ADAMTS6: variants seen among roughly 807,000 people sequenced by gnomAD.
The protein encoded by ADAMTS6 is ADAM metallopeptidase with thrombospondin type 1 motif 6.
A neutral mutation model predicts 144.3 loss-of-function variants in ADAMTS6; 23 were observed. The ratio of observed to expected loss-of-function variants is 0.16; its 90% CI spans 0.11 to 0.23. The LOEUF is 0.23. Among genes scored for constraint, ADAMTS6 ranks in the 10% least tolerant of loss-of-function variants. The pLI is 1.00. For synonymous variants in ADAMTS6, 444 were observed against 457.5 expected (o/e 0.97, Z 0.38); for missense variants, 999 against 1,379.6 (o/e 0.72, Z 4.37).
At chr5:65,458,574 G>T (rs1250210838) in intron 4 of ADAMTS6, among the ~76,000 whole-genome samples, 2 of 152,054 alleles carry the variant, frequency 1.3e-5, no homozygotes, top group Non-Finnish European at 1.5e-5. Flanking sequence ...AACACACCCG[G>T]CTTATTTTTG....
intron 7 of ADAMTS6, among the ~76,000 whole-genome samples, chr5:65,372,207 A>G (rs1454846258): frequency 3.5e-5 from 5 of 141,286 alleles, no homozygotes; most frequent in Admixed American, 3.4e-4. Context: ...ACTACCGAGC[A>G]AAATAACCAG....
At chr5:65,340,236 A>G (rs988725541) in intron 7 of ADAMTS6, among the ~76,000 whole-genome samples, 6 of 149,378 alleles carry the variant, frequency 4.0e-5, no homozygotes, top group African/African-American at 7.4e-5. Flanking sequence ...GCACTGAAAG[A>G]AAAAAAAAAT....
intron 8 of ADAMTS6, among the ~76,000 whole-genome samples, chr5:65,331,172 T>G (rs1304112796): frequency 1.3e-5 from 2 of 152,114 alleles, no homozygotes; most frequent in Admixed American, 6.6e-5. Flanking sequence ...ATACTGTTTC[T>G]GTTTTGGCCT....
At chr5:65,398,781 CAAGAAAGA>C (rs199684759) in intron 7 of ADAMTS6, among the ~76,000 whole-genome samples, 13,902 of 105,558 alleles carry the variant, frequency 0.13, 1,052 homozygotes, top group East Asian at 0.19. Context: ...GAAGAGAGAG[CAAGAAAGA>C]AAGAAAGAAA....
intron 9 of ADAMTS6, among the ~76,000 whole-genome samples, chr5:65,321,270 T>C (rs1164852089): frequency 3.3e-5 from 5 of 152,202 alleles, no homozygotes; most frequent in Admixed American, 2.6e-4. Context: ...TATCTCACTG[T>C]GGTTTTGATT....
chr5:65,197,004 T>C lies in ADAMTS6; in HGVS notation c.2705+18A>G. 6.2e-7 allele frequency: 1 copy of C among 1,602,818 alleles called. No individual in the cohort carries two copies. Among genetic ancestry groups the C allele is most frequent in the Middle Eastern group, 1.7e-4 (1 of 5,988 alleles). On this transcript the variant is annotated intron_variant, in intron 21 of 24. Coordinates refer to ENST00000381055, the MANE Select transcript of ADAMTS6 (RefSeq NM_197941.4). ...TTGCACCTGAAGAAAATAATTCTCA[T>C]TTCTTTCCCTTACTTACTCAGGTGG...
At position 65,452,839 on chromosome 5, in the gene ADAMTS6, A is replaced by G; in HGVS notation, c.711T>C (p.His237=). 12 of 1,614,054 alleles carry G rather than the reference A, an allele frequency of 7.4e-6. No individual in the cohort carries two copies. The highest frequency in any genetic ancestry group is 1.0e-5 in the Non-Finnish European group (12 of 1,179,948). The change falls in exon 5 of 25, where the codon CAT becomes CAC. Residue 237 remains histidine (H), a synonymous_variant. Coordinates refer to ENST00000381055, the MANE Select transcript of ADAMTS6 (RefSeq NM_197941.4). ...VSYSLPINNT[H]IHHRQKRSVS... is the part of the protein sequence containing the mutation. ...CTGATCTCTTCTGTCTGTGGTGGAT[A>G]TGTGTGTTGTTAATTGGTAGTGAAT...
intron 7 of ADAMTS6, among the ~76,000 whole-genome samples, chr5:65,343,942 C>T (rs1252282703): frequency 6.6e-6 from 1 of 152,050 alleles, no homozygotes; most frequent in Non-Finnish European, 1.5e-5. Context: ...CCAACACATA[C>T]ATTTTTAAAA....
At chr5:65,440,105 G>A (rs1425568617) in intron 7 of ADAMTS6, among the ~76,000 whole-genome samples, 2 of 152,208 alleles carry the variant, frequency 1.3e-5, no homozygotes, top group African/African-American at 4.8e-5. Context: ...ACCATACCCA[G>A]CTGAGAATGT....
intron 15 of ADAMTS6, among the ~76,000 whole-genome samples, chr5:65,234,966 T>G (rs1468770700): frequency 6.6e-6 from 1 of 152,186 alleles, no homozygotes; most frequent in African/African-American, 2.4e-5. Flanking sequence ...CTGGGGCACA[T>G]AATGCTAAGT....
chr5:65,468,791 G>T (rs1760218722), intron 3 of ADAMTS6, among the ~76,000 whole-genome samples: 1 of 152,196 alleles, frequency 6.6e-6, no homozygotes, highest in South Asian at 2.1e-4. Flanking sequence ...TCATCAAACA[G>T]CATGTTGCAC....
At chr5:65,357,649 G>A (rs1273391235) in intron 7 of ADAMTS6, among the ~76,000 whole-genome samples, 2 of 151,378 alleles carry the variant, frequency 1.3e-5, no homozygotes. Flanking sequence ...ATAAACAAAA[G>A]AGATGGCAAT....
chr5:65,397,042 A>G (rs923850353), intron 7 of ADAMTS6, among the ~76,000 whole-genome samples: 6 of 152,218 alleles, frequency 3.9e-5, no homozygotes, highest in African/African-American at 9.6e-5. Context: ...CAGATTGTCT[A>G]TCTCTTCTTG....
chr5:65,235,150 T>A (rs577081972), intron 15 of ADAMTS6, among the ~76,000 whole-genome samples: 14 of 152,126 alleles, frequency 9.2e-5, no homozygotes, highest in Admixed American at 1.3e-4. Context: ...TCTAATATAG[T>A]ATAGTTAAGA....
intron 15 of ADAMTS6, among the ~76,000 whole-genome samples, chr5:65,238,810 A>G (rs1758906935): frequency 6.6e-6 from 1 of 152,190 alleles, no homozygotes; most frequent in Non-Finnish European, 1.5e-5. Flanking sequence ...ATTGAGGGAT[A>G]TACCATGTTC....
intron 7 of ADAMTS6, among the ~76,000 whole-genome samples, chr5:65,350,177 T>C (rs1460684333): frequency 2.6e-5 from 4 of 152,228 alleles, no homozygotes; most frequent in African/African-American, 9.6e-5. Flanking sequence ...ACACGTTCTA[T>C]AGTAGCCTAT....
chr5:65,470,682 A>G (rs1760363444), intron 3 of ADAMTS6, 96 bp downstream of exon 3: 2 of 994,290 alleles, frequency 2.0e-6, no homozygotes, highest in Non-Finnish European at 2.7e-6. Flanking sequence ...AACTACCTAT[A>G]TATATATATA....
In ADAMTS6 at chr5:65,403,858, C is replaced by A. The variant is rs371905105; in HGVS notation, c.1073+47617G>T. On this transcript the variant is annotated intron_variant, in intron 7 of 24. Coordinates refer to ENST00000381055, the MANE Select transcript of ADAMTS6 (RefSeq NM_197941.4). Reference sequence around the variant, plus strand: ...TCTTTATCTTTCTTTTCACCTGTGTCCCCTAGTAAAATGTAACCTCTTCAG... The same window carrying A: ...TCTTTATCTTTCTTTTCACCTGTGTACCCTAGTAAAATGTAACCTCTTCAG... Among the ~76,000 whole-genome samples, 71 of 152,124 alleles carry A rather than the reference C, an allele frequency of 4.7e-4. No homozygotes were observed. The South Asian group carries it at 8.3e-3, about 18-fold the overall frequency.
intron 4 of ADAMTS6, among the ~76,000 whole-genome samples, chr5:65,457,648 A>G (rs1759311421): frequency 6.6e-6 from 1 of 152,138 alleles, no homozygotes; most frequent in African/African-American, 2.4e-5. Flanking sequence ...CTTCTTTACA[A>G]TCATAGAGTG....
Sources: allele counts gnomAD v4.1 joint callset (sites outside exome capture counted in the v4.1 genomes callset), GRCh38; gene constraint gnomAD v4.1.1; transcripts MANE v1.5; gene names NCBI Gene and HGNC (gene_info 2026-07-23, HGNC 2026-07-21).